CPED1: variants seen among roughly 807,000 people sequenced by gnomAD.
The protein encoded by CPED1 is cadherin like and PC-esterase domain containing 1.
Under a neutral mutation model 128.2 loss-of-function variants are expected in CPED1, and 114 were observed. That is an observed-to-expected ratio of 0.89 (90% CI 0.76 to 1.04). The LOEUF is 1.04. CPED1 is among the 50% of genes least tolerant of loss of function. The pLI, the probability that CPED1 is intolerant of heterozygous loss-of-function variation, is 0.00. For missense variants in CPED1, 1,211 were observed against 1,207.1 expected (o/e 1.00, Z -0.05); for synonymous variants, 462 against 426.7 (o/e 1.08, Z -1.02).
At chr7:120,998,523 T>C (rs960777058) in intron 2 of CPED1, among the ~76,000 whole-genome samples, 3 of 152,180 alleles carry the variant, frequency 2.0e-5, no homozygotes, top group Non-Finnish European at 4.4e-5. Flanking sequence ...ATAATTATTA[T>C]TTAATTTCCT....
intron 12 of CPED1, among the ~76,000 whole-genome samples, chr7:121,131,001 A>G (rs1795652456): frequency 6.6e-6 from 1 of 152,084 alleles, no homozygotes; most frequent in Non-Finnish European, 1.5e-5. Flanking sequence ...ATGGAATTAC[A>G]GGAGCATTCG....
Position 120,997,258 on chromosome 7 carries a change from A to G in CPED1, c.249+7388A>G, listed in dbSNP as rs141411766. Among the ~76,000 whole-genome samples the G allele has an allele frequency of 2.6e-4, 39 of 152,396 alleles. 1 individual carries two copies. The East Asian group carries it at 6.9e-3, about 27-fold the overall frequency. On this transcript the variant is annotated intron_variant, in intron 2 of 22. Coordinates refer to ENST00000310396, the MANE Select transcript of CPED1 (RefSeq NM_024913.5). ...TGTAACTATTTATAAATGAAGGAAC[A>G]TTAGAATGTTAGAACTGCAAATAAG...
chr7:121,180,846 CT>C (rs1796884717), intron 16 of CPED1, among the ~76,000 whole-genome samples: 2 of 152,022 alleles, frequency 1.3e-5, no homozygotes, highest in Admixed American at 1.3e-4. Context: ...AAGTAATGTT[CT>C]TAGTTACTTT....
chr7:121,047,139 T>C (rs748678436), intron 4 of CPED1, 146 bp downstream of exon 4: 1 of 498,408 alleles, frequency 2.0e-6, no homozygotes, highest in Non-Finnish European at 3.6e-6. Context: ...CCTTATATAC[T>C]TTACCATAAA....
intron 21 of CPED1, among the ~76,000 whole-genome samples, chr7:121,269,081 C>T (rs1054676176): frequency 2.6e-5 from 4 of 151,878 alleles, no homozygotes; most frequent in African/African-American, 9.7e-5. Flanking sequence ...CATAGAAGAC[C>T]CTCAAAAAAT....
intron 22 of CPED1, among the ~76,000 whole-genome samples, chr7:121,286,125 T>A (rs1244368590): frequency 6.6e-6 from 1 of 152,128 alleles, no homozygotes; most frequent in East Asian, 1.9e-4. Flanking sequence ...AAGTGCATGG[T>A]GAAGCAGGGG....
intron 22 of CPED1, among the ~76,000 whole-genome samples, chr7:121,294,841 A>G (rs1313229102): frequency 1.3e-5 from 2 of 151,838 alleles, no homozygotes; most frequent in East Asian, 1.9e-4. Context: ...CTAAATCTAC[A>G]TATATATCTC....
intron 2 of CPED1, among the ~76,000 whole-genome samples, chr7:120,993,008 A>C (rs1022073656): frequency 6.6e-6 from 1 of 152,102 alleles, no homozygotes; most frequent in African/African-American, 2.4e-5. Context: ...GCCAAACTTT[A>C]ATTCATTTTT....
chr7:121,196,481 A>G (rs1797275595), intron 16 of CPED1, among the ~76,000 whole-genome samples: 1 of 152,142 alleles, frequency 6.6e-6, no homozygotes, highest in African/African-American at 2.4e-5. Flanking sequence ...GGCAAAATCT[A>G]TTAGAGCTTA....
At chr7:121,084,685 T>C (rs544563893) in intron 5 of CPED1, among the ~76,000 whole-genome samples, 4 of 152,216 alleles carry the variant, frequency 2.6e-5, no homozygotes, top group Non-Finnish European at 4.4e-5. Context: ...AAAACTGAGT[T>C]TATATGCAAA....
At chr7:121,054,939 A>G (rs886781876) in intron 4 of CPED1, among the ~76,000 whole-genome samples, 44 of 152,264 alleles carry the variant, frequency 2.9e-4, no homozygotes, top group African/African-American at 1.0e-3. Flanking sequence ...AGAAGGTCAT[A>G]TAAGTAGAGT....
At chr7:120,995,036 A>G (rs1796373551) in intron 2 of CPED1, among the ~76,000 whole-genome samples, 1 of 152,116 alleles carries the variant, frequency 6.6e-6, no homozygotes, top group Non-Finnish European at 1.5e-5. Flanking sequence ...CCAATTCCAA[A>G]TCTTTCCTCC....
intron 16 of CPED1, among the ~76,000 whole-genome samples, chr7:121,147,793 G>T (rs1379325546): frequency 6.6e-6 from 1 of 152,074 alleles, no homozygotes; most frequent in Non-Finnish European, 1.5e-5. Context: ...TAAGGAAGGG[G>T]AAAATAGGAT....
intron 16 of CPED1, among the ~76,000 whole-genome samples, chr7:121,209,515 GTGTT>G (rs1339799032): frequency 2.0e-5 from 3 of 152,040 alleles, no homozygotes; most frequent in Admixed American, 1.3e-4. Flanking sequence ...CTATTTAAAA[GTGTT>G]TGCCAAAAAT....
At chr7:121,128,338 G>T in intron 10 of CPED1, 44 bp from the exon 11 acceptor site, 1 of 1,104,668 alleles carries the variant, frequency 9.1e-7, no homozygotes, top group South Asian at 1.3e-5. Flanking sequence ...AACATGGTTT[G>T]ACTTTTTAAC....
intron 2 of CPED1, among the ~76,000 whole-genome samples, chr7:121,009,066 C>G (rs1262783602): frequency 6.6e-6 from 1 of 151,982 alleles, no homozygotes; most frequent in Non-Finnish European, 1.5e-5. Flanking sequence ...TCCTGACTTA[C>G]TGGGTTTATC....
At chr7:121,079,980 G>A (rs1032747659) in intron 5 of CPED1, among the ~76,000 whole-genome samples, 5 of 152,150 alleles carry the variant, frequency 3.3e-5, no homozygotes, top group African/African-American at 9.7e-5. Context: ...TGAAAAGAAA[G>A]ATATTCAGTT....
At chr7:121,218,521 T>A (rs767679369) in intron 16 of CPED1, among the ~76,000 whole-genome samples, 3 of 152,012 alleles carry the variant, frequency 2.0e-5, no homozygotes, top group Non-Finnish European at 2.9e-5. Context: ...TTATTTTGAG[T>A]AGGAGTGATC....
intron 22 of CPED1, among the ~76,000 whole-genome samples, chr7:121,281,623 T>C (rs962046786): frequency 1.7e-4 from 26 of 152,178 alleles, no homozygotes; most frequent in African/African-American, 5.8e-4. Flanking sequence ...CTTGCTACAC[T>C]GAGTCACAGA....
Sources: gnomAD v4.1 joint callset for allele counts (sites outside exome capture counted in the v4.1 genomes callset) on GRCh38, gnomAD v4.1.1 for gene constraint, MANE v1.5 for transcripts, NCBI Gene and HGNC (gene_info 2026-07-23, HGNC 2026-07-21) for gene names.